DPH6: variants seen among roughly 807,000 people sequenced by gnomAD.
DPH6 encodes diphthamine biosynthesis 6.
A neutral mutation model predicts 38.2 loss-of-function variants in DPH6; 33 were observed. The observed-to-expected ratio is 0.86, with a 90% CI of 0.65 to 1.15. DPH6 has a LOEUF of 1.15. Among genes scored for constraint, DPH6 ranks in the 50% most tolerant of loss-of-function variants. The probability of loss-of-function intolerance (pLI) is 0.00; values close to 1 mark genes in which losing one functional copy is unlikely to be tolerated. For synonymous variants in DPH6, 108 were observed against 103.0 expected (o/e 1.05, Z -0.30); for missense variants, 325 against 320.0 (o/e 1.02, Z -0.12).
intron 3 of DPH6, among the ~76,000 whole-genome samples, chr15:35,244,700 A>C (rs567792381): frequency 6.6e-6 from 1 of 152,332 alleles, no homozygotes; most frequent in South Asian, 2.1e-4. Context: ...ACAATTTTAA[A>C]ACAACTTTGG....
chr15:35,455,466 T>C (rs954916075), intron 3 of DPH6, among the ~76,000 whole-genome samples: 3 of 152,152 alleles, frequency 2.0e-5, no homozygotes, highest in Admixed American at 2.0e-4. Context: ...TACTCATTAA[T>C]GAGCTGGAGG....
chr15:35,151,670 G>C, the DPH6 span, among the ~76,000 whole-genome samples: 6 of 152,210 alleles, frequency 3.9e-5, no homozygotes, highest in Non-Finnish European at 7.3e-5. Context: ...GTGTGCACCT[G>C]TCCAGTGTGG....
chr15:35,259,144 CAA>C (rs3028681), intron 3 of DPH6, among the ~76,000 whole-genome samples: 83,002 of 133,614 alleles, frequency 0.62, 25,750 homozygotes, highest in Non-Finnish European at 0.72. Context: ...GACTCCGTCT[CAA>C]AAAAAAAAAA....
Position 35,454,811 on chromosome 15 carries a change from C to A in DPH6, c.322G>T (p.Glu108Ter). 6.3e-7 allele frequency: 1 copy of A among 1,596,552 alleles called. No individual in the cohort carries two copies. Residue 108 changes from glutamate (E) to a stop codon, truncating the protein, a stop_gained, in exon 4 of 9, where the codon GAA becomes TAA. Transcript: ENST00000256538. LOFTEE classifies it high-confidence loss of function. ...GCACCTACTGATATCCCCTCTACTTCTTCTTTTTCCTGAAAATAAAGAAAA... is the reference window on the plus strand; with the variant it reads ...GCACCTACTGATATCCCCTCTACTTATTCTTTTTCCTGAAAATAAAGAAAA... ...ELLKLVKEKE[E>*]VEGISVGAIL...
intron 6 of DPH6, among the ~76,000 whole-genome samples, 165 bp from the exon 7 acceptor site, chr15:35,382,081 A>G (rs2052875055): frequency 1.3e-5 from 2 of 152,320 alleles, no homozygotes; most frequent in African/African-American, 4.8e-5. Context: ...GTTTAAAGCC[A>G]TTTCAAAAAT....
chr15:35,330,661 A>G (rs2052320370), downstream of DPH6: 5 of 152,290 alleles, frequency 3.3e-5, no homozygotes, highest in South Asian at 1.0e-3. Flanking sequence ...CTGACTATAG[A>G]AAGGAGCCTT....
At chr15:35,531,075 C>A (rs142080332) in intron 3 of DPH6, among the ~76,000 whole-genome samples, 300 of 152,246 alleles carry the variant, frequency 2.0e-3, no homozygotes, top group African/African-American at 6.8e-3. Flanking sequence ...CTGCGTCCTC[C>A]CTGAAAATCT....
chr15:35,421,908 T>C (rs556949580), intron 5 of DPH6, among the ~76,000 whole-genome samples: 1 of 152,046 alleles, frequency 6.6e-6, no homozygotes, highest in South Asian at 2.1e-4. Context: ...ATAAACAAGG[T>C]GCTGCAATAG....
At position 35,448,593 on chromosome 15, in the gene DPH6, T is replaced by C. The variant is rs1037986131; in HGVS notation, c.505+2092A>G. Among the ~76,000 whole-genome samples, 13 of 152,276 alleles carry C rather than the reference T, an allele frequency of 8.5e-5. No individual in the cohort carries two copies. In the East Asian group the frequency reaches 2.5e-3, roughly 29 times the overall value. On this transcript the variant is annotated intron_variant, in intron 5 of 8. Transcript: ENST00000256538. ...GAAAATGTGTAAGATGACCACTTCG[T>C]GGCAGCACTGTTTATCACAGTGCCA...
intron 3 of DPH6, among the ~76,000 whole-genome samples, chr15:35,287,085 A>C (rs1260676433): frequency 6.6e-6 from 1 of 152,190 alleles, no homozygotes; most frequent in Non-Finnish European, 1.5e-5. Context: ...TGAAATAAAT[A>C]TCGTACAGCA....
chr15:35,374,687 G>C (rs1327738505), intron 7 of DPH6, among the ~76,000 whole-genome samples: 1 of 151,986 alleles, frequency 6.6e-6, no homozygotes, highest in East Asian at 1.9e-4. Context: ...AGGCTTCCAT[G>C]ACATTAAAAG....
chr15:35,171,508 T>C, the DPH6 span, among the ~76,000 whole-genome samples: 4 of 152,158 alleles, frequency 2.6e-5, no homozygotes, highest in African/African-American at 4.8e-5. Context: ...TAATTAATAA[T>C]TGTTGTCCGT....
At chr15:35,352,730 A>G (rs1254643551) in intron 3 of DPH6, among the ~76,000 whole-genome samples, 14 of 152,166 alleles carry the variant, frequency 9.2e-5, no homozygotes, top group South Asian at 6.2e-4. Flanking sequence ...GAATAGTGCC[A>G]CAATAAACAT....
intron 3 of DPH6, chr15:35,237,690 A>C: frequency 6.2e-7 from 1 of 1,614,014 alleles, no homozygotes; most frequent in Non-Finnish European, 8.5e-7. Context: ...GACCTTTTCA[A>C]TTGCGAGGTA....
rs140157771 is a variant in DPH6 at position 35,349,686 on chromosome 15, C to T, written n.208-18609G>A. Among the ~76,000 whole-genome samples the T allele has an allele frequency of 2.6e-3, 399 of 152,272 alleles. 14 individuals are homozygous for T. The East Asian group carries it at 0.062, about 24-fold the overall frequency. ...CTGACCTCAAGTGATCTGCCCACCT[C>T]GGGCTCCCAAAGTACTGGAATTACA... is the stretch of plus-strand genomic sequence containing the variant. On this transcript the variant is annotated intron_variant and non_coding_transcript_variant, in intron 3 of 3. Coordinates refer to the DPH6 transcript ENST00000558973.
At chr15:35,274,037 A>G (rs1376928425) in intron 3 of DPH6, among the ~76,000 whole-genome samples, 1 of 152,210 alleles carries the variant, frequency 6.6e-6, no homozygotes, top group Non-Finnish European at 1.5e-5. Context: ...ACAGCACAGT[A>G]CTGGTACCAA....
At chr15:35,151,275 G>T in the DPH6 span, among the ~76,000 whole-genome samples, 1 of 143,252 alleles carries the variant, frequency 7.0e-6, no homozygotes, top group Non-Finnish European at 1.5e-5. Flanking sequence ...AAAATGTAAC[G>T]TGCATTCAAA....
intron 5 of DPH6, among the ~76,000 whole-genome samples, chr15:35,430,551 T>A (rs1050820754): frequency 6.7e-6 from 1 of 149,764 alleles, no homozygotes; most frequent in African/African-American, 2.5e-5. Context: ...AAAAAAAAAA[T>A]GAAATAAAAC....
intron 3 of DPH6, among the ~76,000 whole-genome samples, chr15:35,221,115 A>G (rs1595433513): frequency 6.6e-6 from 1 of 152,234 alleles, no homozygotes; most frequent in Non-Finnish European, 1.5e-5. Flanking sequence ...ACATTAAATC[A>G]TAAGACTCCA....
Sources: gnomAD v4.1 joint callset for allele counts (sites outside exome capture counted in the v4.1 genomes callset) on GRCh38, gnomAD v4.1.1 for gene constraint, MANE v1.5 for transcripts, NCBI Gene and HGNC (gene_info 2026-07-23, HGNC 2026-07-21) for gene names.